Variants in DGKB observed in about 807,000 individuals in gnomAD.
The protein encoded by DGKB is 90 kDa diacylglycerol kinase.
DGKB carries 67 observed loss-of-function variants against 114.3 expected under a neutral mutation model. The ratio of observed to expected loss-of-function variants is 0.59; its 90% CI spans 0.48 to 0.72. The LOEUF (loss-of-function observed/expected upper bound fraction) is 0.72, where lower values mean the gene tolerates loss of function less well. DGKB is among the 30% of genes least tolerant of loss of function. DGKB has a pLI of 0.00. For synonymous variants in DGKB, 398 were observed against 323.1 expected, an observed-to-expected ratio of 1.23 and a Z score of -2.49; for missense variants, 907 against 975.2, an observed-to-expected ratio of 0.93 and a Z score of 0.93.
intron 21 of DGKB, among the ~76,000 whole-genome samples, chr7:14,453,603 CT>C (rs1484645703): frequency 6.6e-6 from 1 of 152,126 alleles, no homozygotes. Context: ...GTTTTTACTC[CT>C]TTTATCTGTT....
At chr7:14,788,394 G>A (rs1840194300) in intron 2 of DGKB, among the ~76,000 whole-genome samples, 2 of 152,106 alleles carry the variant, frequency 1.3e-5, no homozygotes, top group Admixed American at 1.3e-4. Flanking sequence ...GACATCTTGG[G>A]GTCTTGCTAA....
intron 2 of DGKB, among the ~76,000 whole-genome samples, chr7:14,804,306 TG>T (rs1183635841): frequency 6.6e-6 from 1 of 152,040 alleles, no homozygotes; most frequent in Admixed American, 6.6e-5. Context: ...ATAGGTAACA[TG>T]TTTTTTTTCT....
intron 23 of DGKB, among the ~76,000 whole-genome samples, chr7:14,335,945 T>A: frequency 6.6e-6 from 1 of 152,140 alleles, no homozygotes; most frequent in East Asian, 1.9e-4. Flanking sequence ...TTTCCCAGTA[T>A]GTTGCCTAGG....
At chr7:14,292,545 A>T (rs1252488706) in intron 23 of DGKB, among the ~76,000 whole-genome samples, 1 of 152,182 alleles carries the variant, frequency 6.6e-6, no homozygotes, top group Non-Finnish European at 1.5e-5. Context: ...GAGCCCCCAA[A>T]TAGGAAACTA....
intron 23 of DGKB, among the ~76,000 whole-genome samples, chr7:14,178,663 G>C (rs760215994): frequency 1.8e-4 from 28 of 152,056 alleles, no homozygotes; most frequent in Admixed American, 4.6e-4. Flanking sequence ...CTAAATCTTT[G>C]AGTAACTTGT....
chr7:14,913,466 G>C (rs1359471530), intron 1 of DGKB, among the ~76,000 whole-genome samples: 1 of 148,358 alleles, frequency 6.7e-6, no homozygotes, highest in Non-Finnish European at 1.5e-5. Flanking sequence ...TAAGAAAATT[G>C]TGTCCTGCAT....
At chr7:14,447,849 C>T (rs1830939718) in intron 21 of DGKB, among the ~76,000 whole-genome samples, 2 of 152,138 alleles carry the variant, frequency 1.3e-5, no homozygotes, top group Admixed American at 1.3e-4. Flanking sequence ...GTCGGGAAAT[C>T]CTAATTTCCG....
chr7:14,951,511 A>G (rs1786198659), intron 1 of DGKB, among the ~76,000 whole-genome samples: 1 of 152,022 alleles, frequency 6.6e-6, no homozygotes, highest in African/African-American at 2.4e-5. Context: ...GATGGAGGAA[A>G]AAGAGATGAA....
chr7:14,465,135 A>G (rs76430896), intron 21 of DGKB, among the ~76,000 whole-genome samples: 2,297 of 152,140 alleles, frequency 0.015, 113 homozygotes, highest in Admixed American at 0.089. Flanking sequence ...ATCGTACTCC[A>G]TTTTGCATTT....
chr7:14,876,763 A>G (rs539190553), intron 1 of DGKB, among the ~76,000 whole-genome samples: 7 of 152,344 alleles, frequency 4.6e-5, no homozygotes, highest in African/African-American at 1.7e-4. Flanking sequence ...AAAATTCTAT[A>G]TACCTCCTCA....
chr7:14,962,401 G>C (rs1465899765), intron 1 of DGKB, among the ~76,000 whole-genome samples: 9 of 152,040 alleles, frequency 5.9e-5, no homozygotes, highest in Admixed American at 1.3e-4. Flanking sequence ...CTTTTTTAAA[G>C]ATCAAAATTG....
At chr7:14,182,626 A>G (rs1037568627) in intron 23 of DGKB, among the ~76,000 whole-genome samples, 1 of 152,212 alleles carries the variant, frequency 6.6e-6, no homozygotes, top group Non-Finnish European at 1.5e-5. Flanking sequence ...TGTGAAAATA[A>G]TTAGTGCTGC....
intron 21 of DGKB, among the ~76,000 whole-genome samples, chr7:14,377,445 T>A (rs1470325890): frequency 2.0e-5 from 3 of 152,212 alleles, no homozygotes; most frequent in Admixed American, 6.5e-5. Context: ...CTTGTTAAAC[T>A]TTTTTTGATT....
At chr7:14,474,166 G>T (rs191843986) in intron 21 of DGKB, among the ~76,000 whole-genome samples, 124 of 152,290 alleles carry the variant, frequency 8.1e-4, no homozygotes, top group East Asian at 5.8e-4. Context: ...TTGTGGGAAG[G>T]ACCTGGTGGG....
At chr7:14,472,461 A>G (rs1781561603) in intron 21 of DGKB, among the ~76,000 whole-genome samples, 1 of 152,110 alleles carries the variant, frequency 6.6e-6, no homozygotes, top group Non-Finnish European at 1.5e-5. Flanking sequence ...AGTCCAATAA[A>G]CCTTTCTTTT....
At chr7:14,420,956 C>T (rs1826573680) in intron 21 of DGKB, among the ~76,000 whole-genome samples, 1 of 152,086 alleles carries the variant, frequency 6.6e-6, no homozygotes, top group Non-Finnish European at 1.5e-5. Context: ...ACCCCCACCC[C>T]CTTCCACTGC....
In DGKB at chr7:14,959,724, T is replaced by G. The variant is rs571273802; in HGVS notation, c.-188+14972A>C. On this transcript the variant is annotated intron_variant, in intron 1 of 4. Coordinates refer to the DGKB transcript ENST00000437998. ...CCACAATCATATCTGTGGGGAGAAG[T>G]GAGTGAAAAGCTCTATAACATTAGA... Among the ~76,000 whole-genome samples the G allele has an allele frequency of 1.1e-4, 17 of 151,526 alleles. No homozygotes were observed. In the South Asian group the frequency reaches 3.3e-3, roughly 30 times the overall value.
chr7:14,787,594 A>T, intron 2 of DGKB, among the ~76,000 whole-genome samples: 1 of 152,172 alleles, frequency 6.6e-6, no homozygotes, highest in East Asian at 1.9e-4. Flanking sequence ...ATACATTTTT[A>T]AAATTCTTAA....
intron 17 of DGKB, among the ~76,000 whole-genome samples, chr7:14,592,210 G>A (rs925846625): frequency 2.0e-4 from 30 of 151,898 alleles, no homozygotes; most frequent in African/African-American, 6.7e-4. Context: ...GTGAATGCTC[G>A]CTTTAATTAT....
Sources: gnomAD v4.1 joint callset for allele counts (sites outside exome capture counted in the v4.1 genomes callset) on GRCh38, gnomAD v4.1.1 for gene constraint, MANE v1.5 for transcripts, NCBI Gene and HGNC (gene_info 2026-07-23, HGNC 2026-07-21) for gene names.